Variants in MYZAP observed in about 807,000 individuals in gnomAD.
MYZAP encodes the protein GRINL1A complex locus upstream.
MYZAP carries 66 observed loss-of-function variants against 69.4 expected under a neutral mutation model. The observed-to-expected ratio is 0.95, with a 90% CI of 0.78 to 1.17. The LOEUF is 1.17. Ranked by LOEUF, MYZAP falls within the 50% of genes most tolerant of loss-of-function variation. The pLI is 0.00. For missense variants in MYZAP, 611 were observed against 556.2 expected (o/e 1.10, Z -0.99); for synonymous variants, 256 against 205.9 (o/e 1.24, Z -2.09).
chr15:57,592,848 G>C (rs567369412), intron 1 of MYZAP, among the ~76,000 whole-genome samples: 1 of 152,182 alleles, frequency 6.6e-6, no homozygotes, highest in South Asian at 2.1e-4. Context: ...CACAGCCAGG[G>C]GCTTGGCTTG....
intron 10 of MYZAP, among the ~76,000 whole-genome samples, chr15:57,648,716 T>TA (rs2037575041): frequency 6.6e-6 from 1 of 151,260 alleles, no homozygotes. Flanking sequence ...TGTAGAGTGA[T>TA]AAAAACAAAA....
At chr15:57,621,263 T>C (rs1169425862) in intron 3 of MYZAP, among the ~76,000 whole-genome samples, 1 of 144,840 alleles carries the variant, frequency 6.9e-6, no homozygotes, top group East Asian at 2.1e-4. Flanking sequence ...CAGGCTGGAG[T>C]GCAGTGGCAT....
At position 57,633,623 on chromosome 15, in the gene MYZAP, A is replaced by G. The variant is rs1161511929; in HGVS notation, c.815A>G (p.Asn272Ser). The G allele has an allele frequency of 2.5e-6, 4 of 1,613,108 alleles. No individual in the cohort carries two copies. The highest frequency in any genetic ancestry group is 4.5e-5 in the East Asian group (2 of 44,852). ...ATATTTCTTTTGCAGGAAGAAACCA[A>G]TAGTTTTCTGAAAGCGATTGAAGAA... ...AEKEALLEET[N>S]SFLKAIEEAN... Residue 272 changes from asparagine to serine, a missense_variant, in exon 8 of 13, where the codon AAT (asparagine) becomes AGT (serine). By Grantham distance (46) the Asn-to-Ser change is conservative (BLOSUM62 1). Transcript: ENST00000267853.
chr15:57,604,599 C>T (rs891244263), intron 2 of MYZAP, among the ~76,000 whole-genome samples: 3 of 152,224 alleles, frequency 2.0e-5, no homozygotes, highest in African/African-American at 7.2e-5. Context: ...TTTGTGTTAC[C>T]TTGAAGCTGC....
intron 1 of MYZAP, among the ~76,000 whole-genome samples, chr15:57,598,299 G>T (rs1250425443): frequency 6.6e-6 from 1 of 152,172 alleles, no homozygotes; most frequent in East Asian, 1.9e-4. Context: ...TTTTCTTGTG[G>T]AGGAAACCTG....
chr15:57,613,294 G>C (rs1429689641), intron 2 of MYZAP, among the ~76,000 whole-genome samples: 1 of 152,016 alleles, frequency 6.6e-6, no homozygotes, highest in African/African-American at 2.4e-5. Flanking sequence ...GCTTTTAATA[G>C]AGTACATTTT....
intron 11 of MYZAP, among the ~76,000 whole-genome samples, chr15:57,666,008 A>G (rs1394316787): frequency 6.6e-6 from 1 of 152,230 alleles, no homozygotes; most frequent in African/African-American, 2.4e-5. Context: ...CACTTGAAAG[A>G]AACTTTTTAT....
At position 57,670,611 on chromosome 15, in the gene MYZAP, A is replaced by G. The variant is rs75256373; in HGVS notation, c.1204-4357A>G. On this transcript the variant is annotated intron_variant, in intron 11 of 12. Coordinates refer to ENST00000267853, the MANE Select transcript of MYZAP (RefSeq NM_001018100.5). ...TATTTATATGATTGGATTTAGAGCT[A>G]CCATTTCATTATTTGTTTTCTGTTT... 1.5e-3 allele frequency among the ~76,000 whole-genome samples: 229 copies of G among 152,040 alleles called. 1 individual carries two copies. The highest frequency in any genetic ancestry group is 5.3e-3 in the African/African-American group (219 of 41,532).
At chr15:57,634,824 A>T (rs527370937) in intron 8 of MYZAP, among the ~76,000 whole-genome samples, 1 of 152,314 alleles carries the variant, frequency 6.6e-6, no homozygotes, top group South Asian at 2.1e-4. Flanking sequence ...CCCATCTTTT[A>T]TTGAAGAGTA....
intron 2 of MYZAP, among the ~76,000 whole-genome samples, chr15:57,611,003 A>G (rs2035072029): frequency 6.6e-6 from 1 of 152,166 alleles, no homozygotes; most frequent in Non-Finnish European, 1.5e-5. Context: ...GGACAGACAG[A>G]CTCATTCAGA....
chr15:57,618,515 C>A (rs183163296), intron 3 of MYZAP, among the ~76,000 whole-genome samples: 2 of 152,238 alleles, frequency 1.3e-5, no homozygotes, highest in Admixed American at 1.3e-4. Flanking sequence ...CACATTCATC[C>A]CTGGCAAGAG....
At chr15:57,597,519 G>A (rs2034138782) in intron 1 of MYZAP, among the ~76,000 whole-genome samples, 1 of 152,182 alleles carries the variant, frequency 6.6e-6, no homozygotes. Flanking sequence ...GCAGGGTGGT[G>A]ATGGGGCAGG....
intron 2 of MYZAP, among the ~76,000 whole-genome samples, chr15:57,616,649 A>G (rs1595870162): frequency 6.6e-6 from 1 of 151,812 alleles, no homozygotes; most frequent in Middle Eastern, 3.4e-3. Flanking sequence ...ACAAACAAAC[A>G]AAATACAAAA....
At chr15:57,676,920 C>T (rs1435083442) in intron 12 of MYZAP, among the ~76,000 whole-genome samples, 1 of 152,154 alleles carries the variant, frequency 6.6e-6, no homozygotes. Flanking sequence ...TTTGGTTTCC[C>T]CCCGGATCCA....
chr15:57,677,208 G>A (rs1422416913), intron 12 of MYZAP, among the ~76,000 whole-genome samples: 1 of 152,242 alleles, frequency 6.6e-6, no homozygotes, highest in African/African-American at 2.4e-5. Context: ...AGGAGGGTTA[G>A]TGAGCGGCTG....
chr15:57,625,959 C>T (rs904889206), intron 5 of MYZAP, 67 bp downstream of exon 5: 19 of 1,410,334 alleles, frequency 1.3e-5, no homozygotes, highest in Non-Finnish European at 1.9e-5. Context: ...TGTGCCTTTG[C>T]AGAAAAATAA....
At chr15:57,637,197 C>T (rs547993522) in intron 8 of MYZAP, among the ~76,000 whole-genome samples, 2 of 152,292 alleles carry the variant, frequency 1.3e-5, no homozygotes, top group East Asian at 3.9e-4. Flanking sequence ...TAAGATAACA[C>T]ATAGGATTCA....
At position 57,674,961 on chromosome 15, in the gene MYZAP, T is replaced by C; in HGVS notation, c.1204-7T>C. The C allele has an allele frequency of 1.2e-6, 2 of 1,605,706 alleles. No homozygotes were observed. Among genetic ancestry groups the C allele is most frequent in the Non-Finnish European group, 1.7e-6 (2 of 1,177,188 alleles). ...TTACTGAAAGTACCTTTTTTTCTCA[T>C]CTCCAGAATAATGAACTACAAAGCA... On this transcript the variant is annotated splice_region_variant and splice_polypyrimidine_tract_variant and intron_variant, in intron 11 of 12. Coordinates refer to ENST00000267853, the MANE Select transcript of MYZAP (RefSeq NM_001018100.5).
intron 11 of MYZAP, among the ~76,000 whole-genome samples, chr15:57,667,938 C>T (rs1344589868): frequency 6.6e-6 from 1 of 152,120 alleles, no homozygotes; most frequent in Admixed American, 6.5e-5. Context: ...CTAGGCAATT[C>T]TTGATCTTTT....
Sources: gnomAD v4.1 joint callset for allele counts (sites outside exome capture counted in the v4.1 genomes callset) on GRCh38, gnomAD v4.1.1 for gene constraint, MANE v1.5 for transcripts, NCBI Gene and HGNC (gene_info 2026-07-23, HGNC 2026-07-21) for gene names.